MAP2K7: variants seen among roughly 807,000 people sequenced by gnomAD.
MAP2K7 encodes the protein mitogen-activated protein kinase kinase 7.
Under a neutral mutation model 47.7 loss-of-function variants are expected in MAP2K7, and 12 were observed. That is an observed-to-expected ratio of 0.25 (90% confidence interval 0.16 to 0.41). The LOEUF (loss-of-function observed/expected upper bound fraction) is 0.41. Ranked by LOEUF, MAP2K7 falls within the 10% of genes least tolerant of loss-of-function variation. MAP2K7 has a pLI of 1.00. For missense variants in MAP2K7, 415 were observed against 600.3 expected (o/e 0.69, Z 3.23); for synonymous variants, 299 against 243.0 (o/e 1.23, Z -2.14).
chr19:7,912,276 C>A, intron 10 of MAP2K7, 21 bp from the exon 11 acceptor site: 1 of 1,613,582 alleles, frequency 6.2e-7, no homozygotes. Flanking sequence ...CCTCCTAAGC[C>A]CCACCCCCTC....
At chr19:7,909,003 G>A (rs1363942482) in intron 1 of MAP2K7, among the ~76,000 whole-genome samples, 1 of 152,006 alleles carries the variant, frequency 6.6e-6, no homozygotes, top group Non-Finnish European at 1.5e-5. Context: ...CATGCAGGCT[G>A]CTGGATGAGC....
In MAP2K7 at chr19:7,910,242, C is replaced by A; in HGVS notation, c.334-18C>A. 6.2e-7 allele frequency: 1 copy of A among 1,611,554 alleles called. No individual in the cohort carries two copies. The highest frequency in any genetic ancestry group is 8.5e-7 in the Non-Finnish European group (1 of 1,178,972). Reference sequence around the variant, plus strand: ...GGCAGAGGCCCCAGGGACCCTCCAACCCTCCCTCTCCTCCCAGCGCTACCA... The same window carrying A: ...GGCAGAGGCCCCAGGGACCCTCCAAACCTCCCTCTCCTCCCAGCGCTACCA... On this transcript the variant is annotated intron_variant, in intron 3 of 10. Transcript: ENST00000397979.
chr19:7,910,982 T>C lies in MAP2K7; in HGVS notation c.678T>C (p.Ile226=), dbSNP rs758018824. 3 of 1,606,320 alleles carry C rather than the reference T, an allele frequency of 1.9e-6. No individual in the cohort carries two copies. Among genetic ancestry groups the C allele is most frequent in the South Asian group, 1.1e-5 (1 of 90,958 alleles). The change falls in exon 7 of 11, where the codon ATT becomes ATC. Residue 226 remains isoleucine, a splice_region_variant and synonymous_variant. Coordinates refer to ENST00000397979, the MANE Select transcript of MAP2K7 (RefSeq NM_145185.4). ...ERILGKMTVA[I]VKALYYLKEK... ...CACCCCCCTCTGCGTGCCTGCAGATTGTGAAGGCGCTGTACTACCTGAAGG... is the reference window on the plus strand; with the variant it reads ...CACCCCCCTCTGCGTGCCTGCAGATCGTGAAGGCGCTGTACTACCTGAAGG...
At position 7,912,623 on chromosome 19, in the gene MAP2K7, C is replaced by T. The variant is rs549845024; in HGVS notation, c.*192C>T. The T allele has an allele frequency of 2.8e-4, 180 of 649,010 alleles. No individual in the cohort carries two copies. In the South Asian group the frequency reaches 3.1e-3, roughly 11 times the overall value. 40.2% of individuals were successfully genotyped at this position (649,010 alleles called of 1,614,324 possible). A position where few individuals can be genotyped will look rare whatever the true frequency, so the allele number is the denominator to read the frequency against. On this transcript the variant is annotated 3_prime_UTR_variant, in exon 11 of 11. Transcript: ENST00000397979. ...TACCAAGCCCCCGCCCTTCCCACCC[C>T]GGGGTCAGCCGGCCGTGTGCGTCCC...
At chr19:7,911,644 T>C (rs2303700) in intron 9 of MAP2K7, 66 bp downstream of exon 9, 973,293 of 1,471,278 alleles carry the variant, frequency 0.66, 324,123 homozygotes, top group Admixed American at 0.69. Context: ...GGGGAGGCAA[T>C]GGCAGGAGGG....
At position 7,912,440 on chromosome 19, in the gene MAP2K7, C is replaced by G. The variant is rs371283714; in HGVS notation, c.*9C>G. The G allele has an allele frequency of 6.2e-7, 1 of 1,606,668 alleles. No individual in the cohort carries two copies. The highest frequency in any genetic ancestry group is 1.8e-4 in the Middle Eastern group (1 of 5,634). ...TGCCCTTCTTCAGGTAGCTGCTTGG[C>G]GGCGGCCAGCCCCACAGGGGGCCAG... On this transcript the variant is annotated 3_prime_UTR_variant, in exon 11 of 11. Coordinates refer to ENST00000397979, the MANE Select transcript of MAP2K7 (RefSeq NM_145185.4).
intron 2 of MAP2K7, 21 bp downstream of exon 2, chr19:7,909,917 G>T: frequency 1.3e-6 from 2 of 1,504,048 alleles, no homozygotes; most frequent in Non-Finnish European, 1.8e-6. Flanking sequence ...GGCCCAGCAG[G>T]GTTGGGTGGG....
intron 5 of MAP2K7, 55 bp from the exon 6 acceptor site, chr19:7,910,641 C>T: frequency 1.2e-6 from 2 of 1,609,082 alleles, no homozygotes; most frequent in Admixed American, 3.3e-5. Flanking sequence ...GGGAGCAGAG[C>T]CTCTGGGGGG....
rs532957871 is a variant in MAP2K7 at position 7,911,224 on chromosome 19, T to TA, written c.856-25dup. On this transcript the variant is annotated intron_variant, in intron 7 of 10. Coordinates refer to ENST00000397979, the MANE Select transcript of MAP2K7 (RefSeq NM_145185.4). ...GGGAGGCCGGCCCCAGCCTTGGAGA[T>TA]ACGTCTTCTCCTCCCCCCCCTGCAG... 808 of 1,608,044 alleles carry TA rather than the reference T, an allele frequency of 5.0e-4. 12 individuals are homozygous for TA. The South Asian group carries it at 8.3e-3, about 17-fold the overall frequency.
At chr19:7,905,704 C>CCCTCCT (rs878979625) in intron 1 of MAP2K7, 1 of 1,010,810 alleles carries the variant, frequency 9.9e-7, no homozygotes, top group African/African-American at 1.6e-5. Flanking sequence ...CGGTGCCTCC[C>CCCTCCT]CCTCCTCCTC....
At position 7,909,752 on chromosome 19, in the gene MAP2K7, T is replaced by C; in HGVS notation, c.125-3T>C. 6.5e-7 allele frequency: 1 copy of C among 1,537,074 alleles called. No homozygotes were observed. The stretch of plus-strand genomic sequence containing the variant: ...TCCCTGCCACTGGTTCTCACCCCCC[T>C]AGCCCTGCAGCTCCCGCTGGCCAAC... On this transcript the variant is annotated splice_region_variant and splice_polypyrimidine_tract_variant and intron_variant, in intron 1 of 10. Coordinates refer to ENST00000397979, the MANE Select transcript of MAP2K7 (RefSeq NM_145185.4).
chr19:7,908,098 G>A (rs563458199), intron 1 of MAP2K7, among the ~76,000 whole-genome samples: 75 of 151,896 alleles, frequency 4.9e-4, no homozygotes, highest in Non-Finnish European at 9.4e-4. Flanking sequence ...CTGGGAGGGG[G>A]ATGTTGCAGT....
chr19:7,911,543 CT>C lies in MAP2K7; in HGVS notation c.1046del (p.Phe349SerfsTer62). ...EPPLLPGHMG[F>X]SGDFQSFVKD... ...CCCCGCTTCTGCCCGGACACATGGG[CT>C]TCTCGGGGGACTTCCAGTCCTTCGT... On this transcript the variant is annotated frameshift_variant, in exon 9 of 11. Transcript: ENST00000397979. LOFTEE classifies it high-confidence loss of function. 1 of 1,605,800 alleles carries C rather than the reference CT, an allele frequency of 6.2e-7. No homozygotes were observed. The highest frequency in any genetic ancestry group is 8.5e-7 in the Non-Finnish European group (1 of 1,175,472).
intron 1 of MAP2K7, among the ~76,000 whole-genome samples, chr19:7,905,174 C>T (rs939450303): frequency 6.6e-6 from 1 of 152,126 alleles, no homozygotes; most frequent in African/African-American, 2.4e-5. Flanking sequence ...TCTTTCTTGA[C>T]CCAGTAAAAT....
In MAP2K7 at chr19:7,910,970, G is replaced by A. The variant is rs757528714; in HGVS notation, c.676-10G>A. On this transcript the variant is annotated splice_polypyrimidine_tract_variant and intron_variant, in intron 6 of 10. Coordinates refer to ENST00000397979, the MANE Select transcript of MAP2K7 (RefSeq NM_145185.4). ...CCCTGCCACATGCACCCCCCTCTGC[G>A]TGCCTGCAGATTGTGAAGGCGCTGT... The A allele has an allele frequency of 3.8e-5, 61 of 1,603,602 alleles. No homozygotes were observed. The highest frequency in any genetic ancestry group is 4.7e-5 in the Non-Finnish European group (55 of 1,172,736).
intron 1 of MAP2K7, among the ~76,000 whole-genome samples, chr19:7,904,869 C>T (rs1982344801): frequency 6.6e-6 from 1 of 152,090 alleles, no homozygotes; most frequent in Non-Finnish European, 1.5e-5. Flanking sequence ...CACACCCACA[C>T]CCACCTGACC....
chr19:7,905,603 G>GA (rs1274880768), intron 1 of MAP2K7, among the ~76,000 whole-genome samples: 1 of 152,140 alleles, frequency 6.6e-6, no homozygotes, highest in Non-Finnish European at 1.5e-5. Flanking sequence ...GGCCCCCGAG[G>GA]AGTCCCCTCC....
At chr19:7,904,700 C>A (rs1026370164) in intron 1 of MAP2K7, among the ~76,000 whole-genome samples, 1 of 152,092 alleles carries the variant, frequency 6.6e-6, no homozygotes, top group Non-Finnish European at 1.5e-5. Flanking sequence ...GCTCAGCAGA[C>A]CCCCTCCCAC....
rs1031565036 is a variant in MAP2K7 at position 7,914,098 on chromosome 19, C to G, written c.*1667C>G. 1.3e-5 allele frequency: 2 copies of G among 152,252 alleles called. No individual in the cohort carries two copies. Among genetic ancestry groups the G allele is most frequent in the African/African-American group, 4.8e-5 (2 of 41,458 alleles). The allele number at this position is 152,252 out of a possible 1,614,324, so 9.4% of individuals were successfully genotyped here. A position where few individuals can be genotyped will look rare whatever the true frequency, so the allele number is the denominator to read the frequency against. On this transcript the variant is annotated 3_prime_UTR_variant, in exon 11 of 11. Coordinates refer to ENST00000397979, the MANE Select transcript of MAP2K7 (RefSeq NM_145185.4). ...CAGCCATGGGGGCCTCTGCGATTGC[C>G]GGAAGGTTGCATGGCTGGTCCCAGG...
Sources: gnomAD v4.1 joint callset for allele counts (sites outside exome capture counted in the v4.1 genomes callset) on GRCh38, gnomAD v4.1.1 for gene constraint, MANE v1.5 for transcripts, NCBI Gene and HGNC (gene_info 2026-07-23, HGNC 2026-07-21) for gene names.